The following DOCK9 variants were observed in gnomAD, a reference collection of about 807,000 sequenced individuals.
DOCK9 encodes the protein dedicator of cytokinesis 9, also known as dedicator of cytokinesis protein 9.
Under a neutral mutation model 263.3 loss-of-function variants are expected in DOCK9, and 89 were observed. That is an observed-to-expected ratio of 0.34 (90% confidence interval 0.28 to 0.40). The LOEUF is 0.40. DOCK9 is among the 10% of genes least tolerant of loss of function. DOCK9 has a pLI of 1.00. For missense variants in DOCK9, 2,140 were observed against 2,603.4 expected, an observed-to-expected ratio of 0.82 and a Z score of 3.87; for synonymous variants, 976 against 973.1, an observed-to-expected ratio of 1.00 and a Z score of -0.06.
intron 1 of DOCK9, among the ~76,000 whole-genome samples, chr13:99,078,105 T>C (rs1381697977): frequency 1.3e-5 from 2 of 152,114 alleles, no homozygotes. Flanking sequence ...AAAGTGGCAA[T>C]TTATGTTTCA....
chr13:99,049,706 CAG>C lies in DOCK9; in HGVS notation c.129+36515_129+36516del, dbSNP rs553036829. ...ATTTTCTACAATTTTTTTGTAGAGA[CAG>C]GGTTTCACCATGTTGCCCAGGCTGG... On this transcript the variant is annotated intron_variant, in intron 1 of 32. Transcript: ENST00000427887. Among the ~76,000 whole-genome samples, 148 of 152,272 alleles carry C rather than the reference CAG, an allele frequency of 9.7e-4. 2 individuals are homozygous for C. Among genetic ancestry groups the C allele is most frequent in the African/African-American group, 3.4e-3 (141 of 41,554 alleles).
At chr13:98,852,183 A>T (rs759380303) in intron 35 of DOCK9, among the ~76,000 whole-genome samples, 1 of 152,244 alleles carries the variant, frequency 6.6e-6, no homozygotes, top group Non-Finnish European at 1.5e-5. Context: ...TATTACCATG[A>T]AGCAAAGTTT....
chr13:98,844,611 CTG>C (rs1337853950), intron 38 of DOCK9, among the ~76,000 whole-genome samples: 1 of 151,962 alleles, frequency 6.6e-6, no homozygotes, highest in Non-Finnish European at 1.5e-5. Flanking sequence ...GATCCACCTG[CTG>C]CTTGGCCACC....
At position 98,990,868 on chromosome 13, in the gene DOCK9, A is replaced by C. The variant is rs1203930046; in HGVS notation, c.130-35317T>G. Among the ~76,000 whole-genome samples the C allele has an allele frequency of 2.0e-5, 3 of 152,338 alleles. No individual in the cohort carries two copies. In the East Asian group the frequency reaches 5.8e-4, roughly 29 times the overall value. On this transcript the variant is annotated intron_variant, in intron 1 of 32. Coordinates refer to the DOCK9 transcript ENST00000427887. ...TCTCACTAAAGTAGTCAAAAGAACCAAAAGGAATGCGGAATGCTCTCCTGT... is the reference window on the plus strand; with the variant it reads ...TCTCACTAAAGTAGTCAAAAGAACCCAAAGGAATGCGGAATGCTCTCCTGT...
chr13:99,033,416 G>C (rs1248495455), intron 1 of DOCK9, among the ~76,000 whole-genome samples: 1 of 152,194 alleles, frequency 6.6e-6, no homozygotes, highest in Non-Finnish European at 1.5e-5. Flanking sequence ...GCCCCAAGGA[G>C]GGGTTCATGC....
At chr13:99,006,483 A>C (rs1883355923) in intron 1 of DOCK9, among the ~76,000 whole-genome samples, 1 of 152,280 alleles carries the variant, frequency 6.6e-6, no homozygotes, top group Admixed American at 6.5e-5. Flanking sequence ...TCCCGTACAT[A>C]TATTACAATG....
At chr13:98,991,712 T>C (rs1879850506) in intron 1 of DOCK9, among the ~76,000 whole-genome samples, 1 of 151,446 alleles carries the variant, frequency 6.6e-6, no homozygotes, top group Non-Finnish European at 1.5e-5. Flanking sequence ...AAAAATATTA[T>C]ATTTTTAGTG....
chr13:99,072,789 C>T (rs189225695), intron 1 of DOCK9, among the ~76,000 whole-genome samples: 4 of 152,138 alleles, frequency 2.6e-5, no homozygotes, highest in East Asian at 1.9e-4. Context: ...CACTTGAACT[C>T]GAATTTGAGA....
At chr13:98,941,542 T>C (rs1230312283) in intron 2 of DOCK9, among the ~76,000 whole-genome samples, 1 of 152,218 alleles carries the variant, frequency 6.6e-6, no homozygotes, top group Non-Finnish European at 1.5e-5. Flanking sequence ...CCTTAATAAC[T>C]AGTTATGAAT....
At chr13:98,854,991 A>C (rs1434040257) in intron 34 of DOCK9, among the ~76,000 whole-genome samples, 1 of 152,170 alleles carries the variant, frequency 6.6e-6, no homozygotes, top group Admixed American at 6.5e-5. Context: ...AACTTGAAGT[A>C]ACTTAGAAAA....
intron 2 of DOCK9, among the ~76,000 whole-genome samples, chr13:98,933,646 G>A (rs151209914): frequency 0.019 from 2,954 of 152,300 alleles, 34 homozygotes; most frequent in Middle Eastern, 0.044. Context: ...TAGTACATAC[G>A]TAGTGTAGCA....
At chr13:98,984,511 A>C (rs1877983824) in intron 1 of DOCK9, among the ~76,000 whole-genome samples, 1 of 152,218 alleles carries the variant, frequency 6.6e-6, no homozygotes, top group Admixed American at 6.5e-5. Flanking sequence ...TATCACACAC[A>C]CAAGACTAAA....
chr13:99,016,865 T>C (rs1156261702), intron 1 of DOCK9, among the ~76,000 whole-genome samples: 1 of 152,194 alleles, frequency 6.6e-6, no homozygotes, highest in Non-Finnish European at 1.5e-5. Context: ...TCTCTATAGA[T>C]GTGAAAGTTA....
At chr13:98,846,424 A>G in intron 37 of DOCK9, 1 of 1,032,592 alleles carries the variant, frequency 9.7e-7, no homozygotes, top group South Asian at 1.2e-5. Flanking sequence ...AAAGCAAAAG[A>G]CATGTATTTT....
intron 2 of DOCK9, among the ~76,000 whole-genome samples, chr13:98,940,922 A>C (rs1367699299): frequency 2.6e-5 from 4 of 152,182 alleles, no homozygotes; most frequent in Non-Finnish European, 5.9e-5. Flanking sequence ...ATCATGCCTC[A>C]GCTGAAATTC....
intron 1 of DOCK9, among the ~76,000 whole-genome samples, chr13:99,012,637 G>T (rs1170535703): frequency 1.3e-5 from 2 of 152,152 alleles, no homozygotes; most frequent in Non-Finnish European, 2.9e-5. Flanking sequence ...CTTTGCATGG[G>T]GGTGACCCAA....
In DOCK9 at chr13:98,883,839, G is replaced by A; in HGVS notation, c.2443C>T (p.His815Tyr). 2 of 1,612,410 alleles carry A rather than the reference G, an allele frequency of 1.2e-6. No individual in the cohort carries two copies. Among genetic ancestry groups the A allele is most frequent in the Non-Finnish European group, 1.7e-6 (2 of 1,179,306 alleles). ...TGAGTATACACTGTAGAAACCAGAT[G>A]AGTGGAAATTTTCAGCAGTGGCTTG... The part of the protein sequence containing the change: ...GGKPLLKIST[H>Y]LVSTVYTQDQ... The change falls in exon 22 of 53, where the codon CAT (histidine) becomes TAT (tyrosine). Residue 815 changes from histidine (H) to tyrosine (Y), a missense_variant. His to Tyr is a moderately conservative substitution (Grantham distance 83). Transcript: ENST00000682017.
intron 45 of DOCK9, among the ~76,000 whole-genome samples, chr13:98,813,701 G>A (rs1231655118): frequency 1.1e-4 from 17 of 152,004 alleles, no homozygotes; most frequent in East Asian, 3.8e-4. Flanking sequence ...GTGCGACGGC[G>A]TGATCTCGGC....
chr13:99,015,374 T>A, intron 1 of DOCK9: 2 of 1,261,438 alleles, frequency 1.6e-6, no homozygotes, highest in Non-Finnish European at 2.1e-6. Flanking sequence ...AATAAATATA[T>A]TTGTTTACAA....
Sources: gnomAD v4.1 joint callset for allele counts (sites outside exome capture counted in the v4.1 genomes callset) on GRCh38, gnomAD v4.1.1 for gene constraint, MANE v1.5 for transcripts, NCBI Gene and HGNC (gene_info 2026-07-23, HGNC 2026-07-21) for gene names.